NOL4: variants seen among roughly 807,000 people sequenced by gnomAD.
NOL4 encodes the protein cancer/testis antigen 125.
Under a neutral mutation model 75.9 loss-of-function variants are expected in NOL4, and 17 were observed. The ratio of observed to expected loss-of-function variants is 0.22; its 90% CI spans 0.15 to 0.34. NOL4 has a LOEUF of 0.34. NOL4 is among the 10% of genes least tolerant of loss of function. The pLI, the probability that NOL4 is intolerant of heterozygous loss-of-function variation, is 1.00. For synonymous variants in NOL4, 292 were observed against 289.9 expected (o/e 1.01, Z -0.07); for missense variants, 614 against 793.5 (o/e 0.77, Z 2.72).
Position 33,864,018 on chromosome 18 carries a change from C to T in NOL4, c.1724-10983G>A, listed in dbSNP as rs79282699. 9.7e-3 allele frequency among the ~76,000 whole-genome samples: 1,472 copies of T among 152,280 alleles called. 25 individuals carry two copies. Among genetic ancestry groups the T allele is most frequent in the African/African-American group, 0.033 (1,378 of 41,556 alleles). On this transcript the variant is annotated intron_variant, in intron 10 of 10. Coordinates refer to ENST00000261592, the MANE Select transcript of NOL4 (RefSeq NM_003787.5). ...GCATCCCCTGAAGCAATGGCTGAACCTTTACCTTGGCCCCTTTTAGCCACA... is the reference window on the plus strand; with the variant it reads ...GCATCCCCTGAAGCAATGGCTGAACTTTTACCTTGGCCCCTTTTAGCCACA...
chr18:33,892,629 TTTC>T (rs1568020448), intron 9 of NOL4, among the ~76,000 whole-genome samples: 2 of 99,394 alleles, frequency 2.0e-5, no homozygotes, highest in South Asian at 3.5e-4. Flanking sequence ...GTAATTTTCT[TTTC>T]TTCTTCTTCT....
intron 1 of NOL4, among the ~76,000 whole-genome samples, chr18:34,152,602 G>C (rs1360474211): frequency 6.6e-6 from 1 of 151,794 alleles, no homozygotes; most frequent in East Asian, 1.9e-4. Context: ...AAAACAGCCA[G>C]AAAGATGAGA....
intron 2 of NOL4, among the ~76,000 whole-genome samples, chr18:34,106,662 A>C (rs1012455111): frequency 2.0e-5 from 3 of 151,452 alleles, no homozygotes; most frequent in African/African-American, 7.3e-5. Flanking sequence ...TAATAAGAAA[A>C]TATATATATA....
intron 2 of NOL4, among the ~76,000 whole-genome samples, chr18:34,121,680 T>C (rs1208137144): frequency 1.3e-5 from 2 of 152,192 alleles, no homozygotes; most frequent in African/African-American, 4.8e-5. Flanking sequence ...TCTGAATTAT[T>C]GAATTGCTAA....
intron 1 of NOL4, chr18:34,222,276 C>A: frequency 7.5e-7 from 1 of 1,337,264 alleles, no homozygotes. Context: ...CGCCTAAACC[C>A]ATCTTTCTTT....
chr18:33,933,788 A>G (rs557709681), intron 9 of NOL4, among the ~76,000 whole-genome samples: 2 of 152,160 alleles, frequency 1.3e-5, no homozygotes, highest in South Asian at 4.1e-4. Flanking sequence ...GAACCCCTCA[A>G]AGTCACCCAC....
At chr18:34,056,728 C>G (rs1217431187) in intron 5 of NOL4, among the ~76,000 whole-genome samples, 1 of 152,124 alleles carries the variant, frequency 6.6e-6, no homozygotes, top group Non-Finnish European at 1.5e-5. Context: ...GCAAAATTCT[C>G]TGAACTTTAC....
chr18:34,134,688 C>T (rs2080819081), intron 1 of NOL4, among the ~76,000 whole-genome samples: 1 of 151,930 alleles, frequency 6.6e-6, no homozygotes, highest in African/African-American at 2.4e-5. Flanking sequence ...AACAGTAACA[C>T]ATTTTTCATG....
At chr18:34,122,803 T>A (rs929614109) in intron 2 of NOL4, among the ~76,000 whole-genome samples, 5 of 152,116 alleles carry the variant, frequency 3.3e-5, no homozygotes, top group Non-Finnish European at 5.9e-5. Context: ...GCAGGCACTT[T>A]AAGAAATTTG....
At chr18:33,936,023 G>T (rs1388576081) in intron 9 of NOL4, among the ~76,000 whole-genome samples, 1 of 151,988 alleles carries the variant, frequency 6.6e-6, no homozygotes, top group African/African-American at 2.4e-5. Context: ...CCTATTGAAT[G>T]GTGTTGCTTT....
intron 1 of NOL4, among the ~76,000 whole-genome samples, chr18:34,207,864 G>A (rs984642938): frequency 2.6e-5 from 4 of 152,136 alleles, no homozygotes; most frequent in African/African-American, 9.7e-5. Context: ...TTTCCACTGA[G>A]GTTTTTAGGC....
intron 5 of NOL4, among the ~76,000 whole-genome samples, chr18:34,058,132 G>T (rs1046585815): frequency 6.6e-6 from 1 of 151,890 alleles, no homozygotes; most frequent in Non-Finnish European, 1.5e-5. Context: ...CTGGCCTGTT[G>T]TTCCTTATTT....
intron 9 of NOL4, among the ~76,000 whole-genome samples, chr18:33,942,650 G>A (rs1332123341): frequency 1.3e-5 from 2 of 151,846 alleles, no homozygotes; most frequent in Non-Finnish European, 2.9e-5. Context: ...TCAGCATCAT[G>A]TATTGGCATG....
At chr18:34,198,888 G>C (rs568487502) in intron 1 of NOL4, among the ~76,000 whole-genome samples, 1 of 151,862 alleles carries the variant, frequency 6.6e-6, no homozygotes, top group African/African-American at 2.4e-5. Flanking sequence ...TTCAAGTTCA[G>C]TTGTGATTTC....
rs1308553121 is a variant in NOL4 at position 34,131,623 on chromosome 18, T to C, written c.265-1603A>G. Among the ~76,000 whole-genome samples, 5 of 152,106 alleles carry C rather than the reference T, an allele frequency of 3.3e-5. No homozygotes were observed. The South Asian group carries it at 8.3e-4, about 25-fold the overall frequency. ...TTTGCTGGAAAAACAAAAAATATGA[T>C]AATCTTTTACACTTAGTCTGTATTT... On this transcript the variant is annotated intron_variant, in intron 1 of 10. Transcript: ENST00000261592.
intron 5 of NOL4, among the ~76,000 whole-genome samples, chr18:34,070,206 T>C (rs2077454498): frequency 6.6e-6 from 1 of 152,200 alleles, no homozygotes; most frequent in Non-Finnish European, 1.5e-5. Context: ...TAATTTTTTG[T>C]ATTTTTAGTA....
At chr18:34,031,597 G>A (rs1032255531) in intron 5 of NOL4, among the ~76,000 whole-genome samples, 7 of 152,124 alleles carry the variant, frequency 4.6e-5, no homozygotes, top group African/African-American at 1.7e-4. Flanking sequence ...TCACTAAGAA[G>A]AAACAAAATA....
chr18:34,081,533 CAT>C (rs1643593536), intron 5 of NOL4, among the ~76,000 whole-genome samples: 1 of 152,038 alleles, frequency 6.6e-6, no homozygotes, highest in South Asian at 2.1e-4. Flanking sequence ...TCATCAATAA[CAT>C]ATATATTTTA....
At chr18:34,119,952 T>A (rs2080060373) in intron 2 of NOL4, among the ~76,000 whole-genome samples, 1 of 152,102 alleles carries the variant, frequency 6.6e-6, no homozygotes, top group Non-Finnish European at 1.5e-5. Flanking sequence ...GTTTGCTAGA[T>A]AAAATATAAG....
Sources: gnomAD v4.1 joint callset for allele counts (sites outside exome capture counted in the v4.1 genomes callset) on GRCh38, gnomAD v4.1.1 for gene constraint, MANE v1.5 for transcripts, NCBI Gene and HGNC (gene_info 2026-07-23, HGNC 2026-07-21) for gene names.